CNTN4: variants seen among roughly 807,000 people sequenced by gnomAD.
The protein encoded by CNTN4 is contactin-4.
A neutral mutation model predicts 122.5 loss-of-function variants in CNTN4; 77 were observed. That is an observed-to-expected ratio of 0.63 (90% CI 0.52 to 0.76). The LOEUF (loss-of-function observed/expected upper bound fraction) is 0.76, where lower values mean the gene tolerates loss of function less well. Ranked by LOEUF, CNTN4 falls within the 30% of genes least tolerant of loss-of-function variation. CNTN4 has a pLI of 0.00. For missense variants in CNTN4, 1,256 were observed against 1,259.1 expected (o/e 1.00, Z 0.04); for synonymous variants, 512 against 447.0 (o/e 1.15, Z -1.83).
intron 4 of CNTN4, among the ~76,000 whole-genome samples, chr3:2,591,344 AT>A (rs1014991983): frequency 7.3e-6 from 1 of 137,738 alleles, no homozygotes; most frequent in African/African-American, 2.9e-5. Context: ...GAACTAGTAG[AT>A]TTGTGACTTT....
At chr3:2,547,416 C>G (rs2078294466) in intron 3 of CNTN4, among the ~76,000 whole-genome samples, 2 of 151,986 alleles carry the variant, frequency 1.3e-5, no homozygotes, top group Admixed American at 1.3e-4. Flanking sequence ...TAAGTGCTCA[C>G]CACCATGCCC....
chr3:2,403,742 A>G (rs1005032902), intron 3 of CNTN4, among the ~76,000 whole-genome samples: 2 of 152,186 alleles, frequency 1.3e-5, no homozygotes, highest in Admixed American at 1.3e-4. Flanking sequence ...AACATAGTTA[A>G]TATTTATATT....
intron 3 of CNTN4, among the ~76,000 whole-genome samples, chr3:2,517,403 C>T (rs1047550806): frequency 6.6e-6 from 1 of 152,064 alleles, no homozygotes; most frequent in Non-Finnish European, 1.5e-5. Context: ...TTCTGATCCC[C>T]CACTCCTCCC....
At chr3:2,708,102 A>C (rs2086851301) in intron 4 of CNTN4, among the ~76,000 whole-genome samples, 1 of 152,182 alleles carries the variant, frequency 6.6e-6, no homozygotes, top group Admixed American at 6.5e-5. Context: ...CCTTCAGGGT[A>C]GGAAGCTGAT....
chr3:2,674,099 T>A (rs2084695150), intron 4 of CNTN4, among the ~76,000 whole-genome samples: 1 of 152,214 alleles, frequency 6.6e-6, no homozygotes, highest in South Asian at 2.1e-4. Context: ...CCATGAGAAA[T>A]AATAAATCAT....
At chr3:2,179,220 A>G (rs1042684359) in intron 2 of CNTN4, among the ~76,000 whole-genome samples, 4 of 152,064 alleles carry the variant, frequency 2.6e-5, no homozygotes, top group East Asian at 3.8e-4. Flanking sequence ...TTTGTACCTT[A>G]TTAAGTGCTC....
chr3:2,553,031 G>C (rs1315856114), intron 3 of CNTN4, among the ~76,000 whole-genome samples: 1 of 152,176 alleles, frequency 6.6e-6, no homozygotes, highest in Non-Finnish European at 1.5e-5. Flanking sequence ...ACGGTGTCTA[G>C]TTGGAGACCA....
chr3:2,103,194 T>TG (rs1219634136), intron 2 of CNTN4, among the ~76,000 whole-genome samples: 2 of 151,830 alleles, frequency 1.3e-5, no homozygotes, highest in East Asian at 3.9e-4. Flanking sequence ...TTTTTTTTTT[T>TG]GCTTTTGCCT....
At chr3:2,352,347 T>G (rs890534567) in intron 3 of CNTN4, among the ~76,000 whole-genome samples, 1 of 152,172 alleles carries the variant, frequency 6.6e-6, no homozygotes, top group Non-Finnish European at 1.5e-5. Flanking sequence ...CTCTCTGGGC[T>G]GGCCGAGGCC....
Position 2,673,136 on chromosome 3 carries a change from G to A in CNTN4, c.56-63079G>A, listed in dbSNP as rs145745093. 2.3e-3 allele frequency among the ~76,000 whole-genome samples: 347 copies of A among 152,198 alleles called. 3 individuals carry two copies. Among genetic ancestry groups the A allele is most frequent in the African/African-American group, 7.7e-3 (321 of 41,526 alleles). ...GGTAGAATTCTTAGATGGAAAATAC[G>A]CAATCTATGGTCAAACTATTTGGGT... is the stretch of plus-strand genomic sequence containing the variant. On this transcript the variant is annotated intron_variant, in intron 4 of 24. Coordinates refer to ENST00000418658, the MANE Select transcript of CNTN4 (RefSeq NM_175607.3).
chr3:2,467,170 A>G (rs2075533546), intron 3 of CNTN4, among the ~76,000 whole-genome samples: 1 of 147,866 alleles, frequency 6.8e-6, no homozygotes, highest in South Asian at 2.1e-4. Flanking sequence ...AATCCTGGTC[A>G]GGACCTGGCT....
chr3:2,300,811 C>T (rs1559430712), intron 2 of CNTN4, among the ~76,000 whole-genome samples: 1 of 151,838 alleles, frequency 6.6e-6, no homozygotes, highest in South Asian at 2.1e-4. Context: ...CCTTGTGATC[C>T]ACCCACCTCG....
At position 2,543,259 on chromosome 3, in the gene CNTN4, TGAAA is replaced by T. The variant is rs140218518; in HGVS notation, c.-88-28154_-88-28151del. Among the ~76,000 whole-genome samples, 645 of 152,168 alleles carry T rather than the reference TGAAA, an allele frequency of 4.2e-3. 9 individuals carry two copies. The highest frequency in any genetic ancestry group is 0.014 in the African/African-American group (598 of 41,538). On this transcript the variant is annotated intron_variant, in intron 3 of 24. Coordinates refer to ENST00000418658, the MANE Select transcript of CNTN4 (RefSeq NM_175607.3). ...AGAACTAAGCGCCTGACCTTATGCT[TGAAA>T]GAGTTACCAGGTGAAGACAGAGCTG...
intron 7 of CNTN4, among the ~76,000 whole-genome samples, chr3:2,843,485 T>C (rs1228408886): frequency 6.6e-6 from 1 of 152,180 alleles, no homozygotes; most frequent in Non-Finnish European, 1.5e-5. Context: ...AGAGTTTGAA[T>C]TATTTGTCCC....
chr3:2,417,170 C>G (rs191579461), intron 3 of CNTN4, among the ~76,000 whole-genome samples: 4 of 152,284 alleles, frequency 2.6e-5, no homozygotes, highest in Admixed American at 2.0e-4. Flanking sequence ...TTCCATTTCT[C>G]CACTTCCTCT....
intron 2 of CNTN4, among the ~76,000 whole-genome samples, chr3:2,337,948 T>C (rs577524281): frequency 4.6e-5 from 7 of 152,046 alleles, no homozygotes; most frequent in Non-Finnish European, 7.4e-5. Context: ...AAGATAGGTG[T>C]TTAGATACAT....
intron 3 of CNTN4, among the ~76,000 whole-genome samples, chr3:2,428,211 G>A (rs576068866): frequency 1.1e-3 from 164 of 152,240 alleles, no homozygotes; most frequent in South Asian, 2.5e-3. Flanking sequence ...GGCTGGTACC[G>A]GTTGTTGCTT....
At chr3:2,554,627 C>T (rs913350834) in intron 3 of CNTN4, among the ~76,000 whole-genome samples, 15 of 152,080 alleles carry the variant, frequency 9.9e-5, no homozygotes, top group African/African-American at 2.9e-4. Flanking sequence ...ATTTTATAGG[C>T]GATATGATTT....
chr3:2,673,189 A>G (rs1469874503), intron 4 of CNTN4, among the ~76,000 whole-genome samples: 11 of 152,162 alleles, frequency 7.2e-5, no homozygotes, highest in Non-Finnish European at 1.5e-4. Flanking sequence ...ATAACTGGAA[A>G]ACAATGAGAA....
Sources: gnomAD v4.1 joint callset for allele counts (sites outside exome capture counted in the v4.1 genomes callset) on GRCh38, gnomAD v4.1.1 for gene constraint, MANE v1.5 for transcripts, NCBI Gene and HGNC (gene_info 2026-07-23, HGNC 2026-07-21) for gene names.